PPP2R5A: variants seen among roughly 807,000 people sequenced by gnomAD.
PPP2R5A encodes serine/threonine-protein phosphatase 2A 56 kDa regulatory subunit alpha isoform.
PPP2R5A carries 25 observed loss-of-function variants against 64.2 expected under a neutral mutation model. The ratio of observed to expected loss-of-function variants is 0.39; its 90% CI spans 0.28 to 0.54. The LOEUF (loss-of-function observed/expected upper bound fraction) is 0.54, where lower values mean the gene tolerates loss of function less well. Ranked by LOEUF, PPP2R5A falls within the 20% of genes least tolerant of loss-of-function variation. PPP2R5A has a pLI of 0.67. For synonymous variants in PPP2R5A, 198 were observed against 201.2 expected (o/e 0.98, Z 0.13); for missense variants, 425 against 576.3 (o/e 0.74, Z 2.69).
rs1659459747 is a variant in PPP2R5A at position 212,329,307 on chromosome 1, A to G, written c.354A>G (p.Ser118=). 2 of 1,601,298 alleles carry G rather than the reference A, an allele frequency of 1.2e-6. No homozygotes were observed. Among genetic ancestry groups the G allele is most frequent in the African/African-American group, 2.7e-5 (2 of 74,316 alleles). Residue 118 remains serine (S), a synonymous_variant, in exon 2 of 13, where the codon TCA becomes TCG. Transcript: ENST00000261461. Reference sequence around the variant, plus strand: ...CTAATCGTGGTGTAATTGTTGAATCAGCGTATTCTGATATAGTAAAAATGG... The same window carrying G: ...CTAATCGTGGTGTAATTGTTGAATCGGCGTATTCTGATATAGTAAAAATGG... ...VSTNRGVIVE[S]AYSDIVKMIS...
rs184196531 is a variant in PPP2R5A, at chr1:212,337,655, A to G, written c.480+4057A>G. On this transcript the variant is annotated intron_variant, in intron 3 of 12. Coordinates refer to ENST00000261461, the MANE Select transcript of PPP2R5A (RefSeq NM_006243.4). Reference sequence around the variant, plus strand: ...AATATCTTTTATATAAGGTTGAGAAATACTTTCATTGCTTTGGCCTTTTTC... The same window carrying G: ...AATATCTTTTATATAAGGTTGAGAAGTACTTTCATTGCTTTGGCCTTTTTC... Among the ~76,000 whole-genome samples the G allele has an allele frequency of 2.9e-3, 438 of 152,276 alleles. 3 individuals are homozygous for G. Among genetic ancestry groups the G allele is most frequent in the African/African-American group, 9.5e-3 (394 of 41,580 alleles).
In PPP2R5A at chr1:212,285,516, G is replaced by A. The variant is rs1658475686; in HGVS notation, c.-595G>A. ...GGAGGGGGTTCGGGCCGCCCAGCGC[G>A]GCAAGGAGCGAGTGTGTGCACGCAG... On this transcript the variant is annotated 5_prime_UTR_variant, in exon 1 of 13. Transcript: ENST00000261461. 6.6e-6 allele frequency: 1 copy of A among 152,416 alleles called. No individual in the cohort carries two copies. The highest frequency in any genetic ancestry group is 1.5e-5 in the Non-Finnish European group (1 of 68,192). The allele number at this position is 152,416 out of a possible 1,614,324, so 9.4% of individuals were successfully genotyped here.
chr1:212,313,934 G>T (rs1241539429), intron 1 of PPP2R5A: 2 of 152,154 alleles, frequency 1.3e-5, no homozygotes, highest in Non-Finnish European at 2.9e-5. Context: ...ACCCTATTGA[G>T]AATTTAATCT....
chr1:212,322,007 G>A (rs917296740), intron 1 of PPP2R5A, among the ~76,000 whole-genome samples: 2 of 150,634 alleles, frequency 1.3e-5, no homozygotes, highest in African/African-American at 4.9e-5. Context: ...CCAACACAGC[G>A]AAACCCCGTC....
intron 8 of PPP2R5A, chr1:212,352,732 G>A (rs1190921368): frequency 2.0e-6 from 1 of 509,568 alleles, no homozygotes; most frequent in East Asian, 5.5e-5. Flanking sequence ...TTAAAGGCCT[G>A]AGCCACCATG....
intron 1 of PPP2R5A, among the ~76,000 whole-genome samples, chr1:212,305,484 A>G (rs577365549): frequency 6.6e-6 from 1 of 152,044 alleles, no homozygotes; most frequent in South Asian, 2.1e-4. Flanking sequence ...GCTTGAGAAT[A>G]TATATTCTCC....
chr1:212,318,737 A>G (rs1659205700), intron 1 of PPP2R5A, among the ~76,000 whole-genome samples: 1 of 152,258 alleles, frequency 6.6e-6, no homozygotes, highest in African/African-American at 2.4e-5. Context: ...TATACAGACT[A>G]TGTAGAGACT....
Position 212,349,201 on chromosome 1 carries a change from G to C in PPP2R5A, c.886G>C (p.Val296Leu). The change falls in exon 8 of 13, where the codon GTT (valine) becomes CTT (leucine). Residue 296 changes from valine to leucine, a missense_variant. Around this residue, in one of 4 missense-constraint regions of PPP2R5A, gnomAD observed 177 missense variants for 244.8 expected, o/e 0.72. Transcript: ENST00000261461. ...CCTTACCTTTTAGCTAGCATATTGT[G>C]TTGTACAGTTCCTGGAGAAAGATAC... ...ALFHAQLAYC[V>L]VQFLEKDTTL... is the part of the protein sequence containing the mutation. 3.8e-6 allele frequency: 6 copies of C among 1,570,126 alleles called. No individual in the cohort carries two copies. Among genetic ancestry groups the C allele is most frequent in the Non-Finnish European group, 4.4e-6 (5 of 1,149,198 alleles).
At chr1:212,349,073 T>C (rs924577897) in intron 7 of PPP2R5A, 116 bp from the exon 8 acceptor site, 2 of 531,364 alleles carry the variant, frequency 3.8e-6, no homozygotes, top group Non-Finnish European at 6.1e-6. Context: ...TATATTTTTA[T>C]ATATTGGAAT....
intron 8 of PPP2R5A, among the ~76,000 whole-genome samples, chr1:212,350,645 C>T (rs1171932088): frequency 2.7e-5 from 4 of 149,680 alleles, no homozygotes; most frequent in Non-Finnish European, 4.5e-5. Context: ...CAGAGTGAGA[C>T]TCTGTCTTCA....
intron 8 of PPP2R5A, among the ~76,000 whole-genome samples, chr1:212,356,258 A>G (rs1055661518): frequency 2.6e-5 from 4 of 151,970 alleles, no homozygotes; most frequent in Non-Finnish European, 5.9e-5. Context: ...CCACCAACTT[A>G]TATTTTCCTT....
At chr1:212,356,569 C>T (rs374631325) in intron 8 of PPP2R5A, 57 bp from the exon 9 acceptor site, 57 of 1,497,468 alleles carry the variant, frequency 3.8e-5, no homozygotes, top group African/African-American at 2.5e-4. Context: ...ATGGAAAATA[C>T]GCTGGGATTA....
intron 2 of PPP2R5A, among the ~76,000 whole-genome samples, chr1:212,330,717 A>G (rs144718444): frequency 1.2e-3 from 185 of 152,296 alleles, no homozygotes; most frequent in African/African-American, 4.2e-3. Flanking sequence ...AATGTGTAGT[A>G]GGAAATATAA....
At position 212,347,555 on chromosome 1, in the gene PPP2R5A, T is replaced by C. The variant is rs889362905; in HGVS notation, c.764+149T>C. 14 of 591,256 alleles carry C rather than the reference T, an allele frequency of 2.4e-5. No homozygotes were observed. The African/African-American group carries it at 2.7e-4, about 12-fold the overall frequency. 36.6% of individuals were successfully genotyped at this position (591,256 alleles called of 1,614,324 possible). On this transcript the variant is annotated intron_variant, in intron 6 of 12. Coordinates refer to ENST00000261461, the MANE Select transcript of PPP2R5A (RefSeq NM_006243.4). ...CTCAACTGAAGTCTTTTTTTTTTTT[T>C]TGAGACGGAGTTTCGCTCTTGTTGC...
At chr1:212,300,556 T>G (rs1471417578) in intron 1 of PPP2R5A, among the ~76,000 whole-genome samples, 3 of 152,204 alleles carry the variant, frequency 2.0e-5, no homozygotes, top group Non-Finnish European at 2.9e-5. Context: ...GAAATCTCTT[T>G]TAAATTTTTG....
chr1:212,357,112 C>T, intron 10 of PPP2R5A, 43 bp downstream of exon 10: 1 of 1,582,520 alleles, frequency 6.3e-7, no homozygotes, highest in African/African-American at 1.4e-5. Context: ...ACTAGTATTT[C>T]TTTCCTATTT....
intron 1 of PPP2R5A, among the ~76,000 whole-genome samples, chr1:212,310,858 G>GGTCC (rs1433571214): frequency 6.6e-6 from 1 of 152,120 alleles, no homozygotes; most frequent in Non-Finnish European, 1.5e-5. Context: ...AATGCTGATA[G>GGTCC]GTCCTACTCC....
chr1:212,298,209 A>T (rs1256905408), intron 1 of PPP2R5A, among the ~76,000 whole-genome samples: 1 of 36,928 alleles, frequency 2.7e-5, no homozygotes, highest in East Asian at 5.9e-4. Context: ...AAAGTCTCCC[A>T]TGTCTACTTC....
intron 1 of PPP2R5A, among the ~76,000 whole-genome samples, chr1:212,320,149 T>TA (rs956825968): frequency 2.0e-5 from 3 of 151,582 alleles, no homozygotes; most frequent in African/African-American, 7.3e-5. Context: ...TGATGACTCT[T>TA]AACGAGCATG....
Sources: gnomAD v4.1 joint callset for allele counts (sites outside exome capture counted in the v4.1 genomes callset) on GRCh38, gnomAD v4.1.1 for gene constraint, gnomAD v4.1.1 regional missense constraint, MANE v1.5 for transcripts, NCBI Gene and HGNC (gene_info 2026-07-23, HGNC 2026-07-21) for gene names.